The following MR1 variants were observed in gnomAD, a reference collection of about 807,000 sequenced individuals.
MR1 encodes major histocompatibility complex, class I-related.
A neutral mutation model predicts 37.8 loss-of-function variants in MR1; 44 were observed. The observed-to-expected ratio is 1.16, with a 90% CI of 0.91 to 1.50. MR1 has a LOEUF of 1.50. Among genes scored for constraint, MR1 ranks in the 40% most tolerant of loss-of-function variants. The pLI is 0.00. For synonymous variants in MR1, 153 were observed against 155.8 expected (o/e 0.98, Z 0.13); for missense variants, 386 against 419.1 (o/e 0.92, Z 0.69).
intron 1 of MR1, among the ~76,000 whole-genome samples, chr1:181,035,207 C>T (rs945177227): frequency 1.3e-5 from 2 of 151,850 alleles, no homozygotes; most frequent in Admixed American, 6.6e-5. Flanking sequence ...GTGCACAGTG[C>T]GCACCTGTGA....
rs556438589 is a variant in MR1 at position 181,049,702 on chromosome 1, T to G, written c.329-309T>G. The stretch of plus-strand genomic sequence containing the variant: ...CTTTCCCAGGGGTATTTCTGGCTCC[T>G]GCATCTCTCTCCCTCCTCCACTGCA... On this transcript the variant is annotated intron_variant, in intron 2 of 5. Coordinates refer to ENST00000367580, the MANE Select transcript of MR1 (RefSeq NM_001385161.1). The G allele has an allele frequency of 1.8e-3, 860 of 485,048 alleles. 18 individuals carry two copies. In the South Asian group the frequency reaches 0.024, roughly 14 times the overall value. The allele number at this position is 485,048 out of a possible 1,614,324, so 30.0% of individuals were successfully genotyped here.
chr1:181,040,356 G>A (rs949654879), intron 1 of MR1, among the ~76,000 whole-genome samples: 18 of 152,104 alleles, frequency 1.2e-4, no homozygotes, highest in Non-Finnish European at 2.1e-4. Flanking sequence ...CAAATGATTC[G>A]AAATCTGATT....
rs1357605993 is a variant in MR1, at chr1:181,052,525, C to T, written c.880+15C>T. On this transcript the variant is annotated intron_variant, in intron 4 of 5. Coordinates refer to ENST00000367580, the MANE Select transcript of MR1 (RefSeq NM_001385161.1). ...GGTCCCCCAGGGTAAGGACGGGGAT[C>T]GTGGCTGTCTAGGGAGAGAGCCTGG... The T allele has an allele frequency of 3.1e-6, 5 of 1,606,654 alleles. No individual in the cohort carries two copies. Among genetic ancestry groups the T allele is most frequent in the East Asian group, 4.5e-5 (2 of 44,670 alleles).
rs369446797 is a variant in MR1 at position 181,049,103 on chromosome 1, G to C, written c.119G>C (p.Gly40Ala). Residue 40 changes from glycine (G) to alanine (A), a missense_variant, in exon 2 of 6, where the codon GGG becomes GCG. Coordinates refer to ENST00000367580, the MANE Select transcript of MR1 (RefSeq NM_001385161.1). The stretch of plus-strand genomic sequence containing the variant: ...CTGGGCGTTTCGGATCCCATCCATG[G>C]GGTCCCTGAATTTATTTCGGTTGGG... ...FRLGVSDPIH[G>A]VPEFISVGYV... 1.2e-6 allele frequency: 2 copies of C among 1,613,948 alleles called. No homozygotes were observed. The highest frequency in any genetic ancestry group is 1.7e-6 in the Non-Finnish European group (2 of 1,179,932).
rs979273629 is a variant in MR1 at position 181,058,150 on chromosome 1, A to G, written c.*2885A>G. The G allele has an allele frequency of 6.6e-6, 1 of 152,216 alleles. No homozygotes were observed. The highest frequency in any genetic ancestry group is 1.5e-5 in the Non-Finnish European group (1 of 68,048). 9.4% of individuals were successfully genotyped at this position (152,216 alleles called of 1,614,324 possible). On this transcript the variant is annotated 3_prime_UTR_variant, in exon 6 of 6. Coordinates refer to ENST00000367580, the MANE Select transcript of MR1 (RefSeq NM_001385161.1). ...ATTACTTCATGGTTGTTGAGTACAG[A>G]TGCTCAGTAATCATAACCTATGAAA...
At chr1:181,054,618 G>A (rs1571402288) in intron 5 of MR1, among the ~76,000 whole-genome samples, 1 of 151,814 alleles carries the variant, frequency 6.6e-6, no homozygotes, top group African/African-American at 2.4e-5. Flanking sequence ...TTGAGAGGCC[G>A]AGGCAGGCGG....
At position 181,056,850 on chromosome 1, in the gene MR1, TG is replaced by T. The variant is rs1418969104; in HGVS notation, c.*1587del. The T allele has an allele frequency of 6.6e-6, 1 of 152,434 alleles. No individual in the cohort carries two copies. The highest frequency in any genetic ancestry group is 2.4e-5 in the African/African-American group (1 of 41,460). 9.4% of individuals were successfully genotyped at this position (152,434 alleles called of 1,614,324 possible). A position where few individuals can be genotyped will look rare whatever the true frequency, so the allele number is the denominator to read the frequency against. ...AAAGGTACCTTCAGCCCGGGCACAG[TG>T]GCTCACGCCTGTAATCCTAGCACTT... On this transcript the variant is annotated 3_prime_UTR_variant, in exon 6 of 6. Transcript: ENST00000367580.
chr1:181,046,483 G>A (rs1410363042), intron 1 of MR1, among the ~76,000 whole-genome samples: 1 of 151,858 alleles, frequency 6.6e-6, no homozygotes, highest in Non-Finnish European at 1.5e-5. Context: ...ACCTTTGTGT[G>A]GACACTGTAT....
intron 1 of MR1, among the ~76,000 whole-genome samples, chr1:181,038,223 G>T (rs547398604): frequency 8.5e-5 from 13 of 152,294 alleles, no homozygotes; most frequent in Middle Eastern, 3.4e-3. Flanking sequence ...TAGCTCACAA[G>T]CCAAACTTGT....
Position 181,049,076 on chromosome 1 carries a change from G to A in MR1, c.92G>A (p.Arg31His), listed in dbSNP as rs41268456. The A allele has an allele frequency of 0.011, 17,137 of 1,613,946 alleles. 119 individuals carry two copies. The highest frequency in any genetic ancestry group is 0.013 in the Non-Finnish European group (15,562 of 1,179,842). ...GGGACGCACTCTCTGAGATATTTTCGCCTGGGCGTTTCGGATCCCATCCAT... is the reference window on the plus strand; with the variant it reads ...GGGACGCACTCTCTGAGATATTTTCACCTGGGCGTTTCGGATCCCATCCAT... Reference protein sequence around the residue: ...DSRTHSLRYFRLGVSDPIHGV... With the variant: ...DSRTHSLRYFHLGVSDPIHGV... The change falls in exon 2 of 6, where the codon CGC (arginine) becomes CAC (histidine). Residue 31 changes from arginine to histidine, a missense_variant. Transcript: ENST00000367580.
At chr1:181,034,586 GTT>G (rs936785820) in intron 1 of MR1, among the ~76,000 whole-genome samples, 3 of 152,208 alleles carry the variant, frequency 2.0e-5, no homozygotes, top group African/African-American at 7.2e-5. Flanking sequence ...AGAAGGGAGA[GTT>G]TTTCATTATT....
chr1:181,043,967 T>C (rs1232397276), intron 1 of MR1, among the ~76,000 whole-genome samples: 1 of 141,696 alleles, frequency 7.1e-6, no homozygotes. Context: ...TGATCTTTTT[T>C]TTTTTTTTTT....
intron 1 of MR1, among the ~76,000 whole-genome samples, chr1:181,046,117 C>T (rs755872704): frequency 2.0e-5 from 3 of 152,226 alleles, no homozygotes; most frequent in Non-Finnish European, 2.9e-5. Flanking sequence ...CCTCCCACCC[C>T]CTCCATGGGC....
At chr1:181,038,239 T>C (rs1451052934) in intron 1 of MR1, among the ~76,000 whole-genome samples, 1 of 152,176 alleles carries the variant, frequency 6.6e-6, no homozygotes, top group Non-Finnish European at 1.5e-5. Flanking sequence ...CTTGTCACAG[T>C]CGCCACTTTT....
rs1386096202 is a variant in MR1 at position 181,060,756 on chromosome 1, A to G, written c.*5491A>G. ...CTGATGGTGAAAGCAGTTGCTCCTG[A>G]CCTATTTGCCCACCAGCTTCTCCTC... is the stretch of plus-strand genomic sequence containing the variant. On this transcript the variant is annotated 3_prime_UTR_variant, in exon 6 of 6. Coordinates refer to ENST00000367580, the MANE Select transcript of MR1 (RefSeq NM_001385161.1). 1 of 152,160 alleles carries G rather than the reference A, an allele frequency of 6.6e-6. No individual in the cohort carries two copies. Among genetic ancestry groups the G allele is most frequent in the Non-Finnish European group, 1.5e-5 (1 of 68,050 alleles). The allele number at this position is 152,160 out of a possible 1,614,324, so 9.4% of individuals were successfully genotyped here.
chr1:181,049,232 G>A lies in MR1; in HGVS notation c.248G>A (p.Arg83Lys). ...AACCTCGCGCCTGATCACTGGGAGA[G>A]GTACACTCAGCTGCTGAGGGGCTGG... is the stretch of plus-strand genomic sequence containing the variant. ...AENLAPDHWE[R>K]YTQLLRGWQQ... The change falls in exon 2 of 6, where the codon AGG becomes AAG. Residue 83 changes from arginine (R) to lysine (K), a missense_variant. Physicochemically the swap from Arg to Lys is conservative, Grantham distance 26. Transcript: ENST00000367580. The A allele has an allele frequency of 6.2e-7, 1 of 1,614,212 alleles. No individual in the cohort carries two copies. Among genetic ancestry groups the A allele is most frequent in the African/African-American group, 1.3e-5 (1 of 75,050 alleles).
intron 1 of MR1, among the ~76,000 whole-genome samples, chr1:181,035,432 CAT>C (rs1332189367): frequency 6.6e-6 from 1 of 151,952 alleles, no homozygotes; most frequent in Non-Finnish European, 1.5e-5. Context: ...ACAAGACAAA[CAT>C]AGTCTCTGCT....
At chr1:181,047,772 C>T (rs1229150014) in intron 1 of MR1, among the ~76,000 whole-genome samples, 24 of 143,268 alleles carry the variant, frequency 1.7e-4, no homozygotes, top group Admixed American at 6.4e-4. Flanking sequence ...TGGTGGCACG[C>T]GCCTGTAGTC....
At position 181,057,645 on chromosome 1, in the gene MR1, A is replaced by G. The variant is rs1658688871; in HGVS notation, c.*2380A>G. ...GTGATGACAAAACATTCTGTTATGC[A>G]CTTGTAGCATTTATGTTTCTTCCTG... On this transcript the variant is annotated 3_prime_UTR_variant, in exon 6 of 6. Transcript: ENST00000367580. The G allele has an allele frequency of 6.6e-6, 1 of 152,216 alleles. No individual in the cohort carries two copies. The highest frequency in any genetic ancestry group is 2.4e-5 in the African/African-American group (1 of 41,446). The allele number at this position is 152,216 out of a possible 1,614,324, so 9.4% of individuals were successfully genotyped here. A position where few individuals can be genotyped will look rare whatever the true frequency, so the allele number is the denominator to read the frequency against.
Sources: allele counts gnomAD v4.1 joint callset (sites outside exome capture counted in the v4.1 genomes callset), GRCh38; gene constraint gnomAD v4.1.1; transcripts MANE v1.5; gene names NCBI Gene and HGNC (gene_info 2026-07-23, HGNC 2026-07-21).